PSMD14: variants seen among roughly 807,000 people sequenced by gnomAD.
The protein encoded by PSMD14 is ubiquitin C-terminal hydrolase PSMD14.
Under a neutral mutation model 41.2 loss-of-function variants are expected in PSMD14, and 7 were observed. The observed-to-expected ratio is 0.17, with a 90% CI of 0.10 to 0.32. The LOEUF is 0.32. Ranked by LOEUF, PSMD14 falls within the 10% of genes least tolerant of loss-of-function variation. PSMD14 has a pLI of 1.00. For synonymous variants in PSMD14, 114 were observed against 122.3 expected, an observed-to-expected ratio of 0.93 and a Z score of 0.45; for missense variants, 139 against 375.6, an observed-to-expected ratio of 0.37 and a Z score of 5.21.
At position 161,385,471 on chromosome 2, in the gene PSMD14, T is replaced by C; in HGVS notation, c.470T>C (p.Ile157Thr). 1 of 1,595,882 alleles carries C rather than the reference T, an allele frequency of 6.3e-7. No homozygotes were observed. The highest frequency in any genetic ancestry group is 8.5e-7 in the Non-Finnish European group (1 of 1,169,870). The change falls in exon 8 of 12, where the codon ATT (isoleucine) becomes ACT (threonine). Residue 157 changes from isoleucine (I) to threonine (T), a missense_variant. By Grantham distance (89) the Ile-to-Thr change is moderately conservative (BLOSUM62 -1). Around this residue, in one of 4 missense-constraint regions of PSMD14, gnomAD observed 35 missense variants for 162.9 expected, o/e 0.21. Coordinates refer to ENST00000409682, the MANE Select transcript of PSMD14 (RefSeq NM_005805.6). The part of the protein sequence containing the change: ...PIQSVKGKVV[I>T]DAFRLINANM... ...GACACCTTGTTTTTACAGGTTGTTA[T>C]TGATGCCTTCAGATTGATCAATGCT...
chr2:161,362,636 A>G (rs1268901606), intron 3 of PSMD14, among the ~76,000 whole-genome samples: 2 of 152,174 alleles, frequency 1.3e-5, no homozygotes, highest in African/African-American at 2.4e-5. Flanking sequence ...AAAATTCTTT[A>G]CTTTCAGTTT....
At chr2:161,387,278 A>G (rs1047754211) in intron 8 of PSMD14, among the ~76,000 whole-genome samples, 1 of 151,930 alleles carries the variant, frequency 6.6e-6, no homozygotes, top group East Asian at 1.9e-4. Flanking sequence ...CAAGCTAGAA[A>G]GCAACCCAGA....
rs1453638132 is a variant in PSMD14, at chr2:161,399,526, T to G, written c.771+4323T>G. On this transcript the variant is annotated intron_variant, in intron 10 of 11. Coordinates refer to ENST00000409682, the MANE Select transcript of PSMD14 (RefSeq NM_005805.6). The stretch of plus-strand genomic sequence containing the variant: ...ATGAGTAAGTTCTTTAATGCCGATT[T>G]GTGAGATTTTGGTGCACCCATCCCT... Among the ~76,000 whole-genome samples the G allele has an allele frequency of 2.0e-5, 3 of 152,132 alleles. No homozygotes were observed. In the East Asian group the frequency reaches 5.8e-4, roughly 29 times the overall value.
At chr2:161,402,178 A>C (rs1389060894) in intron 10 of PSMD14, among the ~76,000 whole-genome samples, 2 of 152,166 alleles carry the variant, frequency 1.3e-5, no homozygotes, top group African/African-American at 2.4e-5. Context: ...GTTTGCTTGC[A>C]TCTCCAGTCT....
intron 10 of PSMD14, among the ~76,000 whole-genome samples, chr2:161,403,531 T>C (rs1468556149): frequency 6.6e-6 from 1 of 152,212 alleles, no homozygotes; most frequent in East Asian, 1.9e-4. Flanking sequence ...TTATGTGAAA[T>C]GTACCTCATT....
intron 3 of PSMD14, among the ~76,000 whole-genome samples, chr2:161,325,048 A>G (rs1477538665): frequency 6.6e-6 from 1 of 152,174 alleles, no homozygotes; most frequent in Non-Finnish European, 1.5e-5. Flanking sequence ...TAGAAATCAC[A>G]TGATTTCACA....
chr2:161,337,296 T>C (rs753539135), intron 3 of PSMD14, among the ~76,000 whole-genome samples: 4 of 152,212 alleles, frequency 2.6e-5, no homozygotes, highest in Non-Finnish European at 4.4e-5. Flanking sequence ...GAAATTAGAA[T>C]TGCTCTTTTT....
intron 3 of PSMD14, among the ~76,000 whole-genome samples, chr2:161,332,991 T>G (rs1682817357): frequency 1.3e-5 from 2 of 152,214 alleles, no homozygotes; most frequent in South Asian, 4.1e-4. Context: ...AATAAGTGTA[T>G]AAGAGCATAG....
intron 11 of PSMD14, 42 bp downstream of exon 11, chr2:161,408,941 A>C (rs1574145692): frequency 1.2e-5 from 18 of 1,495,428 alleles, no homozygotes; most frequent in Non-Finnish European, 1.6e-5. Context: ...GCATAATAAC[A>C]TGTTCTTATA....
At chr2:161,380,233 G>A (rs1421375231) in intron 7 of PSMD14, among the ~76,000 whole-genome samples, 1 of 151,992 alleles carries the variant, frequency 6.6e-6, no homozygotes, top group Non-Finnish European at 1.5e-5. Context: ...ACTTAGGCAG[G>A]ATTGACTCCA....
chr2:161,357,733 G>A (rs571086172), intron 3 of PSMD14, among the ~76,000 whole-genome samples: 78 of 152,216 alleles, frequency 5.1e-4, no homozygotes, highest in Middle Eastern at 6.8e-3. Context: ...TATTGTCAGT[G>A]ATGTGTGTGC....
At chr2:161,348,607 A>G (rs1436831659) in intron 3 of PSMD14, among the ~76,000 whole-genome samples, 3 of 152,254 alleles carry the variant, frequency 2.0e-5, no homozygotes, top group African/African-American at 7.2e-5. Context: ...GAATAATTCT[A>G]TACGATTGTT....
intron 8 of PSMD14, among the ~76,000 whole-genome samples, chr2:161,390,484 A>C (rs1278081419): frequency 1.3e-5 from 2 of 152,120 alleles, no homozygotes; most frequent in Non-Finnish European, 2.9e-5. Context: ...CCATGCTATT[A>C]GCTTAAGATT....
In PSMD14 at chr2:161,367,996, C is replaced by G; in HGVS notation, c.240+93C>G. 3.0e-6 allele frequency: 4 copies of G among 1,352,388 alleles called. No homozygotes were observed. In the South Asian group the frequency reaches 6.4e-5, roughly 22 times the overall value. The allele number at this position is 1,352,388 out of a possible 1,614,324, so 83.8% of individuals were successfully genotyped here. On this transcript the variant is annotated intron_variant, in intron 5 of 11. Coordinates refer to ENST00000409682, the MANE Select transcript of PSMD14 (RefSeq NM_005805.6). Reference sequence around the variant, plus strand: ...ACTAACTCTCATCATATTACATTTTCTCTTTCCAGTAGGAAAAATTAATCA... The same window carrying G: ...ACTAACTCTCATCATATTACATTTTGTCTTTCCAGTAGGAAAAATTAATCA...
chr2:161,405,735 A>G (rs1184881219), intron 10 of PSMD14, among the ~76,000 whole-genome samples: 2 of 152,216 alleles, frequency 1.3e-5, no homozygotes, highest in East Asian at 1.9e-4. Context: ...AAAAATTAGT[A>G]TATGCCATTT....
chr2:161,309,813 G>T (rs1185133332), intron 1 of PSMD14, among the ~76,000 whole-genome samples: 5 of 151,762 alleles, frequency 3.3e-5, no homozygotes, highest in African/African-American at 4.8e-5. Context: ...GGAGTTTTTG[G>T]TTTTTTGTTT....
At chr2:161,347,213 T>C (rs796530337) in intron 3 of PSMD14, among the ~76,000 whole-genome samples, 4 of 152,358 alleles carry the variant, frequency 2.6e-5, no homozygotes, top group African/African-American at 9.6e-5. Flanking sequence ...TATTGTTTCA[T>C]AGAGTTTTGT....
At chr2:161,349,517 T>A (rs577012373) in intron 3 of PSMD14, among the ~76,000 whole-genome samples, 1 of 152,240 alleles carries the variant, frequency 6.6e-6, no homozygotes, top group Non-Finnish European at 1.5e-5. Context: ...GTGGAGTTCT[T>A]TCAATTATTT....
Position 161,319,013 on chromosome 2 carries a change from G to A in PSMD14, c.48+140G>A, listed in dbSNP as rs985544131. ...TAAGAATCTTACCTTATTGATGTTT[G>A]TTATCTTGCAACACTAGATAACATG... On this transcript the variant is annotated intron_variant, in intron 3 of 11. Coordinates refer to ENST00000409682, the MANE Select transcript of PSMD14 (RefSeq NM_005805.6). 5.4e-6 allele frequency: 3 copies of A among 553,332 alleles called. No individual in the cohort carries two copies. The African/African-American group carries it at 5.8e-5, about 11-fold the overall frequency. 34.3% of individuals were successfully genotyped at this position (553,332 alleles called of 1,614,324 possible).
Sources: allele counts gnomAD v4.1 joint callset (sites outside exome capture counted in the v4.1 genomes callset), GRCh38; gene constraint gnomAD v4.1.1; regional missense constraint gnomAD v4.1.1; transcripts MANE v1.5; gene names NCBI Gene and HGNC (gene_info 2026-07-23, HGNC 2026-07-21).